Variants in HDLBP observed in about 807,000 individuals in gnomAD.
The protein encoded by HDLBP is high density lipoprotein binding protein.
A neutral mutation model predicts 137.3 loss-of-function variants in HDLBP; 30 were observed. The observed-to-expected ratio is 0.22, with a 90% CI of 0.16 to 0.30. The LOEUF is 0.30. Ranked by LOEUF, HDLBP falls within the 10% of genes least tolerant of loss-of-function variation. HDLBP has a pLI of 1.00. For synonymous variants in HDLBP, 606 were observed against 596.0 expected (o/e 1.02, Z -0.24); for missense variants, 1,119 against 1,667.3 (o/e 0.67, Z 5.73).
At chr2:241,310,375 T>C (rs147304368) in intron 1 of HDLBP, among the ~76,000 whole-genome samples, 43 of 152,298 alleles carry the variant, frequency 2.8e-4, no homozygotes, top group Admixed American at 1.0e-3. Flanking sequence ...GTGAATATAG[T>C]AAATAATAAT....
chr2:241,243,467 C>T (rs550149863), intron 16 of HDLBP: 64 of 152,748 alleles, frequency 4.2e-4, no homozygotes, highest in Non-Finnish European at 3.5e-4. Flanking sequence ...GTGCTTTTAG[C>T]TCAGTTGGAG....
chr2:241,296,153 C>T (rs1231848879), intron 1 of HDLBP, among the ~76,000 whole-genome samples: 1 of 143,470 alleles, frequency 7.0e-6, no homozygotes, highest in Non-Finnish European at 1.5e-5. Flanking sequence ...AAGCATACTA[C>T]AAAGCAATGG....
chr2:241,290,944 TGGC>T (rs1301787838), intron 1 of HDLBP, among the ~76,000 whole-genome samples: 1 of 152,144 alleles, frequency 6.6e-6, no homozygotes, highest in Non-Finnish European at 1.5e-5. Flanking sequence ...GCCATGAAAA[TGGC>T]ACTTATTCAT....
At chr2:241,273,786 C>A in intron 1 of HDLBP, 1 of 385,872 alleles carries the variant, frequency 2.6e-6, no homozygotes, top group Non-Finnish European at 3.5e-6. Flanking sequence ...AGCCAGGCCA[C>A]GGGTGCTGTT....
chr2:241,236,147 C>G, intron 21 of HDLBP: 2 of 199,172 alleles, frequency 1.0e-5, no homozygotes, highest in South Asian at 2.1e-4. Flanking sequence ...GACTGCTTGT[C>G]TCTCCACGGC....
chr2:241,234,039 G>A (rs1034904756), intron 23 of HDLBP, 76 bp from the exon 24 acceptor site: 89 of 1,533,208 alleles, frequency 5.8e-5, no homozygotes, highest in Non-Finnish European at 8.0e-5. Flanking sequence ...TTCCACCCTG[G>A]TCATAGGACA....
At chr2:241,281,967 A>G (rs2149619905) in intron 1 of HDLBP, among the ~76,000 whole-genome samples, 1 of 152,332 alleles carries the variant, frequency 6.6e-6, no homozygotes, top group South Asian at 2.1e-4. Flanking sequence ...TCATTAGTAA[A>G]CTTTATATAA....
rs1346242316 is a variant in HDLBP at position 241,248,040 on chromosome 2, T to G, written c.1694A>C (p.Lys565Thr). Residue 565 changes from lysine (K) to threonine (T), a missense_variant, in exon 14 of 28, where the codon AAA becomes ACA. Physicochemically the swap from Lys to Thr is moderately conservative, Grantham distance 78. Transcript: ENST00000310931. ...QLRGPKNEVE[K>T]CTKYMQKMVA... ...CATCTTCTGCATGTATTTTGTGCAT[T>G]TTTCCACCTCATTCTTAGGTCCTCT... 1 of 1,614,116 alleles carries G rather than the reference T, an allele frequency of 6.2e-7. No homozygotes were observed. Among genetic ancestry groups the G allele is most frequent in the Admixed American group, 1.7e-5 (1 of 60,022 alleles).
intron 9 of HDLBP, among the ~76,000 whole-genome samples, chr2:241,254,220 C>T (rs150428542): frequency 1.3e-5 from 2 of 151,976 alleles, no homozygotes; most frequent in East Asian, 1.9e-4. Flanking sequence ...GCTATGACTG[C>T]GCTACTGCAC....
At chr2:241,245,761 C>T (rs2071618394) in intron 16 of HDLBP, among the ~76,000 whole-genome samples, 1 of 152,066 alleles carries the variant, frequency 6.6e-6, no homozygotes, top group Admixed American at 6.6e-5. Context: ...ATGACTGCAC[C>T]ACTGCACTCC....
At chr2:241,246,511 G>T in intron 16 of HDLBP, 1 of 451,360 alleles carries the variant, frequency 2.2e-6, no homozygotes, top group East Asian at 3.6e-5. Flanking sequence ...AGAAGAAAAT[G>T]TCTAATAAGA....
At chr2:241,273,453 G>C in intron 1 of HDLBP, 1 of 462,406 alleles carries the variant, frequency 2.2e-6, no homozygotes, top group Non-Finnish European at 2.8e-6. Flanking sequence ...TGTGGCCTCT[G>C]AGCCCACGGT....
chr2:241,272,503 G>T lies in HDLBP; in HGVS notation c.-102-3962C>A. On this transcript the variant is annotated intron_variant, in intron 1 of 27. Transcript: ENST00000310931. The surrounding 1 kb of genome is among the most constrained non-coding windows in gnomAD (Gnocchi z 5.6). ...CCACCGGACTTGAGAAAGTTTGTGC[G>T]CGCCCCTCCGCGCCACGGCCACGCG... 1.0e-6 allele frequency: 1 copy of T among 984,368 alleles called. No homozygotes were observed. Among genetic ancestry groups the T allele is most frequent in the Non-Finnish European group, 1.2e-6 (1 of 829,574 alleles). The allele number at this position is 984,368 out of a possible 1,614,324, so 61.0% of individuals were successfully genotyped here.
chr2:241,246,048 CAG>C (rs1379089921), intron 16 of HDLBP, among the ~76,000 whole-genome samples: 1 of 152,104 alleles, frequency 6.6e-6, no homozygotes, highest in East Asian at 1.9e-4. Flanking sequence ...CACAAAGAAA[CAG>C]ATGATCTATC....
rs66491533 is a variant in HDLBP, at chr2:241,300,950, CTATTATTATTATTATTAT to C, written c.-103+14602_-103+14619del. ...AGTGAACTGATTTCATGCACACATA[CTATTATTATTATTATTAT>C]TATTATTATTATTATTATTATTATT... On this transcript the variant is annotated intron_variant, in intron 1 of 27. Coordinates refer to ENST00000310931, the MANE Select transcript of HDLBP (RefSeq NM_005336.6). Among the ~76,000 whole-genome samples the C allele has an allele frequency of 1.3e-3, 191 of 143,904 alleles. 2 individuals are homozygous for C. Among genetic ancestry groups the C allele is most frequent in the African/African-American group, 4.2e-3 (162 of 38,810 alleles). 94.4% of individuals were successfully genotyped at this position (143,904 alleles called of 152,430 possible).
At chr2:241,284,751 C>T (rs1034894082) in intron 1 of HDLBP, among the ~76,000 whole-genome samples, 2 of 152,152 alleles carry the variant, frequency 1.3e-5, no homozygotes, top group Non-Finnish European at 2.9e-5. Flanking sequence ...TGCCAGTCAC[C>T]CCAACATGTA....
intron 1 of HDLBP, among the ~76,000 whole-genome samples, chr2:241,274,628 G>A (rs949802677): frequency 2.0e-5 from 3 of 152,160 alleles, no homozygotes; most frequent in Non-Finnish European, 4.4e-5. Context: ...ACAGGACACC[G>A]TAAAGAGTTA....
In HDLBP at chr2:241,272,440, G is replaced by A. The variant is rs901738429; in HGVS notation, c.-102-3899C>T. On this transcript the variant is annotated intron_variant, in intron 1 of 27. Coordinates refer to ENST00000310931, the MANE Select transcript of HDLBP (RefSeq NM_005336.6). This position sits in a 1 kb window ranked among gnomAD's most constrained non-coding sequence, Gnocchi z 5.6. ...CCCACCGAAGCCCCGGGAGGAGGCGGGGGAGCCCAGCTTGCAGCCAAGAGC... is the reference window on the plus strand; with the variant it reads ...CCCACCGAAGCCCCGGGAGGAGGCGAGGGAGCCCAGCTTGCAGCCAAGAGC... 5 of 984,432 alleles carry A rather than the reference G, an allele frequency of 5.1e-6. No individual in the cohort carries two copies. Among genetic ancestry groups the A allele is most frequent in the South Asian group, 9.4e-5 (2 of 21,280 alleles). The allele number at this position is 984,432 out of a possible 1,614,324, so 61.0% of individuals were successfully genotyped here.
intron 1 of HDLBP, among the ~76,000 whole-genome samples, chr2:241,299,855 C>T (rs1356514839): frequency 6.6e-6 from 1 of 152,162 alleles, no homozygotes; most frequent in Non-Finnish European, 1.5e-5. Context: ...GCAGAGCTTG[C>T]AGTGAGCCGA....
Sources: gnomAD v4.1 joint callset for allele counts (sites outside exome capture counted in the v4.1 genomes callset) on GRCh38, gnomAD v4.1.1 for gene constraint, Gnocchi (gnomAD v3.1) non-coding constraint, MANE v1.5 for transcripts, NCBI Gene and HGNC (gene_info 2026-07-23, HGNC 2026-07-21) for gene names.